ADCY5: variants seen among roughly 807,000 people sequenced by gnomAD.
The protein encoded by ADCY5 is adenylate cyclase 5.
Under a neutral mutation model 119.7 loss-of-function variants are expected in ADCY5, and 30 were observed. The ratio of observed to expected loss-of-function variants is 0.25; its 90% CI spans 0.19 to 0.34. The LOEUF (loss-of-function observed/expected upper bound fraction) is 0.34. ADCY5 is among the 10% of genes least tolerant of loss of function. The pLI is 1.00. For missense variants in ADCY5, 1,324 were observed against 1,775.2 expected (o/e 0.75, Z 4.57); for synonymous variants, 753 against 762.2 (o/e 0.99, Z 0.20).
intron 1 of ADCY5, among the ~76,000 whole-genome samples, chr3:123,370,506 T>C (rs1023237345): frequency 1.3e-5 from 2 of 152,154 alleles, no homozygotes; most frequent in Admixed American, 1.3e-4. Flanking sequence ...CATCCCATTA[T>C]CAAACACGTT....
chr3:123,312,026 A>T (rs917625393), intron 12 of ADCY5, among the ~76,000 whole-genome samples: 1 of 152,194 alleles, frequency 6.6e-6, no homozygotes, highest in Admixed American at 6.5e-5. Flanking sequence ...GTGGGAAAAA[A>T]ACTCATTAGA....
Position 123,317,187 on chromosome 3 carries a change from A to G in ADCY5, c.2354+833T>C, listed in dbSNP as rs1289878694. ...AAAAGCCCACTGCATACTTCAAAGT[A>G]CTCCCCATAGAAGCCATAGGCTTTG... On this transcript the variant is annotated intron_variant, in intron 11 of 20. Transcript: ENST00000462833. 3.3e-5 allele frequency among the ~76,000 whole-genome samples: 5 copies of G among 152,020 alleles called. No individual in the cohort carries two copies. In the East Asian group the frequency reaches 9.6e-4, roughly 29 times the overall value.
chr3:123,294,697 C>A (rs932436621), intron 17 of ADCY5, among the ~76,000 whole-genome samples: 2 of 152,168 alleles, frequency 1.3e-5, no homozygotes, highest in African/African-American at 2.4e-5. Context: ...TGCACAGGAT[C>A]CTGGACCAGC....
intron 1 of ADCY5, among the ~76,000 whole-genome samples, chr3:123,438,850 G>A (rs1363711829): frequency 6.6e-6 from 1 of 152,074 alleles, no homozygotes; most frequent in Non-Finnish European, 1.5e-5. Flanking sequence ...AGGCTCAAGA[G>A]ATCCTTCCAC....
chr3:123,398,957 C>T (rs989457207), intron 1 of ADCY5, among the ~76,000 whole-genome samples: 4 of 152,214 alleles, frequency 2.6e-5, no homozygotes, highest in Admixed American at 6.5e-5. Context: ...CCTCGAGAAT[C>T]CCCTGTTGGA....
chr3:123,357,415 G>A (rs1240772643), intron 1 of ADCY5, among the ~76,000 whole-genome samples: 1 of 152,130 alleles, frequency 6.6e-6, no homozygotes, highest in Non-Finnish European at 1.5e-5. Flanking sequence ...CAGCATCTCT[G>A]TACTAATCCT....
rs749787278 is a variant in ADCY5, at chr3:123,304,171, G to A, written c.2455C>T (p.Pro819Ser). Residue 819 changes from proline to serine, a missense_variant, in exon 13 of 21, where the codon CCA becomes TCA. Pro to Ser is a moderately conservative substitution (Grantham distance 74). Transcript: ENST00000462833. ...ATCTTCCTGGAGAGGGTCTGCAGTG[G>A]GGAGGGGAAGAGCTAGGGTGGGGGC... ...IYSCVKLFPSPLQTLSRKIVR... is the reference protein window; with the variant it reads ...IYSCVKLFPSSLQTLSRKIVR... 7.5e-6 allele frequency: 12 copies of A among 1,609,046 alleles called. No individual in the cohort carries two copies. In the East Asian group the frequency reaches 2.7e-4, roughly 36 times the overall value.
At chr3:123,330,350 G>A (rs537150652) in intron 5 of ADCY5, among the ~76,000 whole-genome samples, 1 of 152,310 alleles carries the variant, frequency 6.6e-6, no homozygotes, top group East Asian at 1.9e-4. Flanking sequence ...CTCCTTCTGT[G>A]GCCAGTGATA....
At chr3:123,296,893 GCA>G in intron 16 of ADCY5, 1 of 1,147,444 alleles carries the variant, frequency 8.7e-7, no homozygotes, top group Non-Finnish European at 1.2e-6. Flanking sequence ...CTGGAAGGCT[GCA>G]CAGAGGCTCC....
At chr3:123,376,036 C>T (rs1345512424) in intron 1 of ADCY5, among the ~76,000 whole-genome samples, 1 of 150,860 alleles carries the variant, frequency 6.6e-6, no homozygotes, top group African/African-American at 2.4e-5. Context: ...CCCTGAAAGG[C>T]CTTAATCCGC....
At chr3:123,303,372 G>C (rs893202281) in intron 13 of ADCY5, among the ~76,000 whole-genome samples, 153 bp from the exon 14 acceptor site, 1 of 152,152 alleles carries the variant, frequency 6.6e-6, no homozygotes, top group Non-Finnish European at 1.5e-5. Context: ...TCTGAGGAAC[G>C]GGCAAAGTCT....
chr3:123,308,258 T>C (rs916769413), intron 12 of ADCY5, among the ~76,000 whole-genome samples: 19 of 151,694 alleles, frequency 1.3e-4, no homozygotes, highest in Admixed American at 1.2e-3. Context: ...AGGATGGTCT[T>C]GATCTGCTGA....
At chr3:123,316,796 A>G (rs1332782287) in intron 11 of ADCY5, among the ~76,000 whole-genome samples, 2 of 152,150 alleles carry the variant, frequency 1.3e-5, no homozygotes, top group Non-Finnish European at 2.9e-5. Context: ...TATATAAAGT[A>G]TTGGGGTTAA....
chr3:123,364,505 TG>T (rs1465774597), intron 1 of ADCY5, among the ~76,000 whole-genome samples: 3 of 152,046 alleles, frequency 2.0e-5, no homozygotes, highest in Non-Finnish European at 4.4e-5. Flanking sequence ...TCAATATGGA[TG>T]GGGCAGAGGA....
At chr3:123,356,149 C>T (rs1943029854) in intron 1 of ADCY5, among the ~76,000 whole-genome samples, 3 of 152,190 alleles carry the variant, frequency 2.0e-5, no homozygotes, top group Admixed American at 6.5e-5. Context: ...AAAATTCACT[C>T]GAAGTGAATC....
chr3:123,362,295 T>C (rs954209851), intron 1 of ADCY5, among the ~76,000 whole-genome samples: 1 of 152,220 alleles, frequency 6.6e-6, no homozygotes, highest in South Asian at 2.1e-4. Context: ...GGGGTTCCAA[T>C]GTCTCCACAT....
At chr3:123,290,101 AGT>A (rs1269058832) in intron 18 of ADCY5, 147 bp from the exon 19 acceptor site, 3 of 800,768 alleles carry the variant, frequency 3.7e-6, no homozygotes, top group Non-Finnish European at 6.1e-6. Context: ...CATCCTCATC[AGT>A]GTGATGCCCG....
At chr3:123,290,404 C>T (rs540513059) in intron 18 of ADCY5, among the ~76,000 whole-genome samples, 3 of 152,308 alleles carry the variant, frequency 2.0e-5, no homozygotes, top group South Asian at 2.1e-4. Flanking sequence ...TCTTGCAGGC[C>T]GTTCCTGACA....
At chr3:123,432,386 C>T (rs542520257) in intron 1 of ADCY5, among the ~76,000 whole-genome samples, 19 of 152,002 alleles carry the variant, frequency 1.2e-4, no homozygotes, top group Non-Finnish European at 2.5e-4. Flanking sequence ...GGAAAAGACA[C>T]CAGAAGAAAG....
Sources: allele counts gnomAD v4.1 joint callset (sites outside exome capture counted in the v4.1 genomes callset), GRCh38; gene constraint gnomAD v4.1.1; transcripts MANE v1.5; gene names NCBI Gene and HGNC (gene_info 2026-07-23, HGNC 2026-07-21).